VPS13A: variants seen among roughly 807,000 people sequenced by gnomAD.
VPS13A encodes the protein vacuolar protein sorting 13 homolog A.
A neutral mutation model predicts 390.9 loss-of-function variants in VPS13A; 264 were observed. That is an observed-to-expected ratio of 0.68 (90% CI 0.61 to 0.75). The LOEUF is 0.75. Among genes scored for constraint, VPS13A ranks in the 30% least tolerant of loss-of-function variants. The pLI is 0.00. For missense variants in VPS13A, 3,409 were observed against 3,733.9 expected, an observed-to-expected ratio of 0.91 and a Z score of 2.27; for synonymous variants, 1,231 against 1,227.1, an observed-to-expected ratio of 1.00 and a Z score of -0.07.
rs1332655217 is a variant in VPS13A, at chr9:77,232,244, A to G, written c.1595+3980A>G. Among the ~76,000 whole-genome samples the G allele has an allele frequency of 9.2e-5, 14 of 152,170 alleles. 1 individual carries two copies. The East Asian group carries it at 2.5e-3, about 27-fold the overall frequency. On this transcript the variant is annotated intron_variant, in intron 17 of 71. Transcript: ENST00000360280. ...CTTTCAAGAATGTTTTAGCTGTTCA[A>G]GGGTTGCTTACAAGACCTTATGAAT... is the stretch of plus-strand genomic sequence containing the variant.
At position 77,417,105 on chromosome 9, in the gene VPS13A, C is replaced by G. The variant is rs989944857; in HGVS notation, c.*1099C>G. 1.3e-5 allele frequency: 2 copies of G among 152,098 alleles called. No homozygotes were observed. The highest frequency in any genetic ancestry group is 4.8e-5 in the African/African-American group (2 of 41,424). 9.4% of individuals were successfully genotyped at this position (152,098 alleles called of 1,614,324 possible). On this transcript the variant is annotated 3_prime_UTR_variant, in exon 72 of 72. Transcript: ENST00000360280. ...TTCTTTCTTGGTTTTTGTCCAAGAT[C>G]TTTGCACCTTAATATTAATGGACTG...
At chr9:77,247,507 G>A (rs866357800) in intron 20 of VPS13A, 112 bp downstream of exon 20, 1 of 1,148,050 alleles carries the variant, frequency 8.7e-7, no homozygotes. Flanking sequence ...CTAGATTTGT[G>A]GTAGATAAGT....
At position 77,407,601 on chromosome 9, in the gene VPS13A, T is replaced by C. The variant is rs1210856876; in HGVS notation, c.9468T>C (p.Asp3156=). The C allele has an allele frequency of 8.7e-6, 14 of 1,610,156 alleles. No homozygotes were observed. Among genetic ancestry groups the C allele is most frequent in the African/African-American group, 1.3e-5 (1 of 74,844 alleles). The change falls in exon 71 of 72, where the codon GAT becomes GAC. Residue 3156 remains aspartate (D), a synonymous_variant. Transcript: ENST00000360280. Reference sequence around the variant, plus strand: ...TAATTAACTTCAAGACCCCAGAGGATGCCAGGGTAAATATAATAAATCTTT... The same window carrying C: ...TAATTAACTTCAAGACCCCAGAGGACGCCAGGGTAAATATAATAAATCTTT... The part of the protein sequence containing the change: ...GKIINFKTPE[D]ARWILTKLQE...
chr9:77,255,640 G>T (rs1455569134), intron 22 of VPS13A, among the ~76,000 whole-genome samples: 1 of 152,042 alleles, frequency 6.6e-6, no homozygotes, highest in Non-Finnish European at 1.5e-5. Context: ...CGATCAGATC[G>T]TGGGAGGTTT....
intron 59 of VPS13A, among the ~76,000 whole-genome samples, chr9:77,363,433 G>A (rs1223070348): frequency 7.4e-5 from 9 of 121,050 alleles, no homozygotes; most frequent in Admixed American, 7.0e-4. Flanking sequence ...ACCTAGGCTC[G>A]CTCTGTCTCC....
In VPS13A at chr9:77,299,728, G is replaced by A. The variant is rs1828234522; in HGVS notation, c.3813-3187G>A. Among the ~76,000 whole-genome samples the A allele has an allele frequency of 3.9e-5, 6 of 152,278 alleles. No homozygotes were observed. In the South Asian group the frequency reaches 1.0e-3, roughly 26 times the overall value. The stretch of plus-strand genomic sequence containing the variant: ...AGAAAATGTGGCACATATACACCAT[G>A]GAATGCTATGCAGCCATAAAAAAGA... On this transcript the variant is annotated intron_variant, in intron 33 of 71. Transcript: ENST00000360280.
intron 46 of VPS13A, among the ~76,000 whole-genome samples, chr9:77,333,158 CT>C (rs1477405820): frequency 6.6e-6 from 1 of 152,138 alleles, no homozygotes; most frequent in Non-Finnish European, 1.5e-5. Flanking sequence ...CTGTGAAGAA[CT>C]TTCATTTTCT....
intron 58 of VPS13A, 114 bp from the exon 59 acceptor site, chr9:77,360,422 T>C (rs1355582688): frequency 3.9e-6 from 3 of 767,022 alleles, no homozygotes; most frequent in Non-Finnish European, 6.7e-6. Context: ...GTCAACTAAA[T>C]AGTCCTAAGT....
At position 77,405,905 on chromosome 9, in the gene VPS13A, C is replaced by A. The variant is rs149799163; in HGVS notation, c.9317C>A (p.Thr3106Lys). Residue 3106 changes from threonine (T) to lysine (K), a missense_variant, in exon 70 of 72, where the codon ACG (threonine) becomes AAG (lysine). This residue lies in a region of VPS13A where 318 missense variants were observed against 333.7 expected (regional missense o/e 0.95). Transcript: ENST00000360280. ...FVTKGTFGQL[T>K]CEWQYSFDEF... ...ACAAAGGGAACATTTGGACAACTCACGTGTGAGTGGCAGTATAGTTTTGAT... is the reference window on the plus strand; with the variant it reads ...ACAAAGGGAACATTTGGACAACTCAAGTGTGAGTGGCAGTATAGTTTTGAT... 2 of 1,613,854 alleles carry A rather than the reference C, an allele frequency of 1.2e-6. No individual in the cohort carries two copies. The highest frequency in any genetic ancestry group is 2.2e-5 in the South Asian group (2 of 91,080).
intron 1 of VPS13A, among the ~76,000 whole-genome samples, chr9:77,178,596 C>T (rs1211063559): frequency 3.3e-5 from 5 of 152,150 alleles, no homozygotes; most frequent in African/African-American, 2.4e-5. Flanking sequence ...TGCAAAAGAC[C>T]GGGCTGAACA....
intron 21 of VPS13A, among the ~76,000 whole-genome samples, chr9:77,250,853 GGGAGAGA>G (rs1825114376): frequency 6.6e-6 from 1 of 152,188 alleles, no homozygotes; most frequent in Non-Finnish European, 1.5e-5. Context: ...TAAGTAGTTA[GGGAGAGA>G]CCCCAGACTC....
At chr9:77,382,446 T>G (rs952792449) in intron 68 of VPS13A, 2 of 1,390,052 alleles carry the variant, frequency 1.4e-6, no homozygotes, top group Non-Finnish European at 1.9e-6. Flanking sequence ...ATGAATCTGG[T>G]TTTTTTATAG....
intron 57 of VPS13A, 75 bp from the exon 58 acceptor site, chr9:77,359,258 T>C (rs1273461679): frequency 8.6e-7 from 1 of 1,166,648 alleles, no homozygotes; most frequent in East Asian, 2.4e-5. Flanking sequence ...TTTTCCATTG[T>C]GGTGTATATT....
At chr9:77,238,637 G>T (rs990969151) in intron 19 of VPS13A, among the ~76,000 whole-genome samples, 4 of 152,022 alleles carry the variant, frequency 2.6e-5, no homozygotes, top group African/African-American at 9.7e-5. Flanking sequence ...AGGATACTTG[G>T]ACCTCTATTT....
intron 31 of VPS13A, among the ~76,000 whole-genome samples, chr9:77,286,204 T>TG (rs1457428922): frequency 6.6e-6 from 1 of 152,198 alleles, no homozygotes. Context: ...AATTTGGTCT[T>TG]GAAGTCTGTG....
intron 34 of VPS13A, among the ~76,000 whole-genome samples, chr9:77,304,363 A>C (rs567595873): frequency 6.6e-6 from 1 of 152,332 alleles, no homozygotes; most frequent in Middle Eastern, 3.4e-3. Flanking sequence ...AATTGTTTAA[A>C]GTACAGGTCT....
intron 22 of VPS13A, 90 bp downstream of exon 22, chr9:77,252,442 G>T: frequency 9.5e-7 from 1 of 1,053,784 alleles, no homozygotes; most frequent in South Asian, 1.3e-5. Flanking sequence ...TTCCTTGTGT[G>T]TGTGGTGAAA....
At chr9:77,413,858 A>C (rs1835054010) in intron 71 of VPS13A, among the ~76,000 whole-genome samples, 1 of 152,248 alleles carries the variant, frequency 6.6e-6, no homozygotes, top group African/African-American at 2.4e-5. Flanking sequence ...ACAAAGGGCC[A>C]ATATCCAGAA....
rs138389808 is a variant in VPS13A, at chr9:77,400,335, A to G, written c.9190-2901A>G. ...TTTCTTCAAATTGCTAGAATTGTCT[A>G]TATTTTGAAAATGACTCTATATCTC... On this transcript the variant is annotated intron_variant, in intron 68 of 71. Transcript: ENST00000360280. Among the ~76,000 whole-genome samples the G allele has an allele frequency of 2.2e-4, 31 of 142,778 alleles. No individual in the cohort carries two copies. The South Asian group carries it at 6.2e-3, about 29-fold the overall frequency. The allele number at this position is 142,778 out of a possible 152,430, so 93.7% of individuals were successfully genotyped here.
Sources: allele counts gnomAD v4.1 joint callset (sites outside exome capture counted in the v4.1 genomes callset), GRCh38; gene constraint gnomAD v4.1.1; regional missense constraint gnomAD v4.1.1; transcripts MANE v1.5; gene names NCBI Gene and HGNC (gene_info 2026-07-23, HGNC 2026-07-21).